AP4S1: variants seen among roughly 807,000 people sequenced by gnomAD.
AP4S1 encodes the protein adaptor related protein complex 4 subunit sigma 1, also known as AP-4 complex subunit sigma-1.
A neutral mutation model predicts 19.8 loss-of-function variants in AP4S1; 23 were observed. The ratio of observed to expected loss-of-function variants is 1.16; its 90% confidence interval spans 0.84 to 1.65. The LOEUF is 1.65. Among genes scored for constraint, AP4S1 ranks in the 40% most tolerant of loss-of-function variants. The pLI is 0.00. For synonymous variants in AP4S1, 46 were observed against 54.1 expected, an observed-to-expected ratio of 0.85 and a Z score of 0.66; for missense variants, 166 against 172.8, an observed-to-expected ratio of 0.96 and a Z score of 0.22.
At chr14:31,039,161 C>G (rs1002064412) in intron 1 of AP4S1, among the ~76,000 whole-genome samples, 1 of 151,968 alleles carries the variant, frequency 6.6e-6, no homozygotes, top group African/African-American at 2.4e-5. Flanking sequence ...AGCCATGGAG[C>G]CTAGCCTTAA....
intron 1 of AP4S1, among the ~76,000 whole-genome samples, chr14:31,049,428 A>AAAAAAT (rs1384450221): frequency 2.1e-4 from 12 of 57,766 alleles, no homozygotes; most frequent in African/African-American, 3.2e-4. Flanking sequence ...AAAAAAAAAA[A>AAAAAAT]ATATATATAT....
chr14:31,030,008 TCTCA>T (rs899525363), intron 1 of AP4S1, among the ~76,000 whole-genome samples: 9 of 151,742 alleles, frequency 5.9e-5, no homozygotes, highest in African/African-American at 2.2e-4. Flanking sequence ...TGAGACTGGA[TCTCA>T]CTCTGTCACC....
intron 1 of AP4S1, among the ~76,000 whole-genome samples, chr14:31,043,507 GT>G (rs1007972173): frequency 6.6e-6 from 1 of 152,124 alleles, no homozygotes; most frequent in Non-Finnish European, 1.5e-5. Flanking sequence ...GGGAGAATCT[GT>G]TGGGAAGAGA....
intron 4 of AP4S1, among the ~76,000 whole-genome samples, chr14:31,074,151 C>A (rs919444660): frequency 6.7e-6 from 1 of 150,240 alleles, no homozygotes; most frequent in Non-Finnish European, 1.5e-5. Context: ...ATGGTGAAAC[C>A]CTGTCTCTAC....
intron 1 of AP4S1, among the ~76,000 whole-genome samples, chr14:31,047,568 G>GT (rs1028585180): frequency 2.1e-4 from 31 of 151,176 alleles, no homozygotes; most frequent in South Asian, 4.2e-4. Context: ...ATTTTTTATG[G>GT]TTTTTTTTAG....
chr14:31,060,878 G>A (rs1886398005), intron 1 of AP4S1, among the ~76,000 whole-genome samples: 2 of 151,902 alleles, frequency 1.3e-5, no homozygotes, highest in African/African-American at 4.8e-5. Context: ...ATAAAGGAGA[G>A]TCTTGACTCC....
chr14:31,084,958 G>T (rs1055161620), intron 5 of AP4S1: 1 of 1,604,800 alleles, frequency 6.2e-7, no homozygotes, highest in African/African-American at 1.3e-5. Flanking sequence ...GTGCGTACCT[G>T]CTCTACGCGT....
At chr14:31,084,875 T>A in intron 5 of AP4S1, 2 of 1,614,182 alleles carry the variant, frequency 1.2e-6, no homozygotes, top group Non-Finnish European at 1.7e-6. Flanking sequence ...ACCACCCCCA[T>A]CTACTGAATA....
intron 1 of AP4S1, among the ~76,000 whole-genome samples, chr14:31,036,019 C>T (rs754888263): frequency 6.7e-4 from 102 of 152,036 alleles, no homozygotes; most frequent in Non-Finnish European, 1.2e-3. Flanking sequence ...CGTGAGCCAC[C>T]GTGCCTGGCC....
chr14:31,049,979 T>G (rs1312055946), intron 1 of AP4S1, among the ~76,000 whole-genome samples: 1 of 152,194 alleles, frequency 6.6e-6, no homozygotes, highest in Non-Finnish European at 1.5e-5. Context: ...TGGAGTGCAG[T>G]GGCATGATCT....
intron 1 of AP4S1, among the ~76,000 whole-genome samples, chr14:31,035,402 AGGATG>A (rs1182717613): frequency 6.6e-6 from 1 of 151,234 alleles, no homozygotes; most frequent in Non-Finnish European, 1.5e-5. Flanking sequence ...ACCATTGGCC[AGGATG>A]GTCTTGATCT....
chr14:31,078,408 CAT>C (rs1817400193), intron 4 of AP4S1, among the ~76,000 whole-genome samples: 1 of 152,122 alleles, frequency 6.6e-6, no homozygotes. Context: ...TAAATCTCCA[CAT>C]GAGGTTGGTG....
At chr14:31,080,431 A>T in intron 4 of AP4S1, 142 bp from the exon 5 acceptor site, 1 of 706,350 alleles carries the variant, frequency 1.4e-6, no homozygotes, top group South Asian at 1.5e-5. Context: ...TGGCAGAGTC[A>T]GACTGCTGTG....
At position 31,037,410 on chromosome 14, in the gene AP4S1, T is replaced by C. The variant is rs74243245; in HGVS notation, c.-72+11623T>C. On this transcript the variant is annotated intron_variant, in intron 1 of 5. Coordinates refer to ENST00000542754, the MANE Select transcript of AP4S1 (RefSeq NM_001128126.3). ...GGTTCGGGAAGATCCCAGAATCTGC[T>C]GCTGCCATCACCACTACTTTCTTTG... Among the ~76,000 whole-genome samples the C allele has an allele frequency of 7.4e-3, 1,101 of 148,002 alleles. 11 individuals are homozygous for C. The highest frequency in any genetic ancestry group is 0.051 in the East Asian group (258 of 5,094).
intron 1 of AP4S1, among the ~76,000 whole-genome samples, chr14:31,062,680 G>C (rs1429383734): frequency 6.6e-6 from 1 of 152,050 alleles, no homozygotes; most frequent in Non-Finnish European, 1.5e-5. Context: ...TAGTTCACTA[G>C]GAATTGGCCA....
Position 31,025,739 on chromosome 14 carries a change from G to A in AP4S1, c.-120G>A, listed in dbSNP as rs1282336460. ...AGCTTATGCGGGAAAGAGGGAGGGG[G>A]ACTCCAGGAAAAGCCGTTGAGAGGA... On this transcript the variant is annotated 5_prime_UTR_variant, in exon 1 of 6. Transcript: ENST00000542754. The A allele has an allele frequency of 2.3e-5, 21 of 916,350 alleles. No individual in the cohort carries two copies. Among genetic ancestry groups the A allele is most frequent in the Non-Finnish European group, 2.9e-5 (18 of 629,132 alleles). The allele number at this position is 916,350 out of a possible 1,614,324, so 56.8% of individuals were successfully genotyped here. A position where few individuals can be genotyped will look rare whatever the true frequency, so the allele number is the denominator to read the frequency against.
chr14:31,068,377 A>G (rs930550833), intron 2 of AP4S1, among the ~76,000 whole-genome samples: 1 of 152,244 alleles, frequency 6.6e-6, no homozygotes, highest in Non-Finnish European at 1.5e-5. Flanking sequence ...AAACCACATC[A>G]GTGCTCAGAA....
At position 31,035,239 on chromosome 14, in the gene AP4S1, G is replaced by T. The variant is rs541487632; in HGVS notation, c.-72+9452G>T. Among the ~76,000 whole-genome samples the T allele has an allele frequency of 5.2e-3, 667 of 127,242 alleles. 2 individuals carry two copies. The highest frequency in any genetic ancestry group is 8.3e-3 in the Non-Finnish European group (537 of 64,502). The allele number at this position is 127,242 out of a possible 152,430, so 83.5% of individuals were successfully genotyped here. A position where few individuals can be genotyped will look rare whatever the true frequency, so the allele number is the denominator to read the frequency against. ...GAGATGGAGTCTAGCTCTATCGCCA[G>T]GCTGGAGTGCAGTGGTGCGATCTCT... On this transcript the variant is annotated intron_variant, in intron 1 of 5. Coordinates refer to ENST00000542754, the MANE Select transcript of AP4S1 (RefSeq NM_001128126.3).
intron 1 of AP4S1, among the ~76,000 whole-genome samples, chr14:31,045,678 T>G (rs958753494): frequency 2.0e-5 from 3 of 152,210 alleles, no homozygotes; most frequent in African/African-American, 7.2e-5. Context: ...ATTCAAAATA[T>G]ATAGTTCTGT....
Sources: allele counts gnomAD v4.1 joint callset (sites outside exome capture counted in the v4.1 genomes callset), GRCh38; gene constraint gnomAD v4.1.1; transcripts MANE v1.5; gene names NCBI Gene and HGNC (gene_info 2026-07-23, HGNC 2026-07-21).